Variants in CNTNAP2 observed in about 807,000 individuals in gnomAD.
CNTNAP2 encodes contactin associated protein 2, also known as contactin-associated protein-like 2.
Under a neutral mutation model 155.2 loss-of-function variants are expected in CNTNAP2, and 98 were observed. The observed-to-expected ratio is 0.63, with a 90% CI of 0.54 to 0.75. The LOEUF is 0.75. Among genes scored for constraint, CNTNAP2 ranks in the 30% least tolerant of loss-of-function variants. The pLI, the probability that CNTNAP2 is intolerant of heterozygous loss-of-function variation, is 0.00. For missense variants in CNTNAP2, 1,727 were observed against 1,688.1 expected, an observed-to-expected ratio of 1.02 and a Z score of -0.40; for synonymous variants, 651 against 631.2, an observed-to-expected ratio of 1.03 and a Z score of -0.47.
At chr7:148,176,666 C>A (rs1286712194) in intron 18 of CNTNAP2, among the ~76,000 whole-genome samples, 1 of 152,208 alleles carries the variant, frequency 6.6e-6, no homozygotes, top group Non-Finnish European at 1.5e-5. Context: ...GGAAACCCTA[C>A]AACTAGACCA....
chr7:148,400,921 A>G lies in CNTNAP2; in HGVS notation c.3716-8470A>G, dbSNP rs546246991. Among the ~76,000 whole-genome samples the G allele has an allele frequency of 1.9e-4, 29 of 151,932 alleles. 1 individual carries two copies. The highest frequency in any genetic ancestry group is 8.5e-4 in the Admixed American group (13 of 15,266). On this transcript the variant is annotated intron_variant, in intron 22 of 23. Coordinates refer to ENST00000361727, the MANE Select transcript of CNTNAP2 (RefSeq NM_014141.6). ...CTTGAACCCAGGAAGCAGAGGTTGCAGTGAGCTGAGATTGTGCCACTACAC... is the reference window on the plus strand; with the variant it reads ...CTTGAACCCAGGAAGCAGAGGTTGCGGTGAGCTGAGATTGTGCCACTACAC...
intron 3 of CNTNAP2, among the ~76,000 whole-genome samples, chr7:146,879,280 T>C (rs942416169): frequency 6.6e-6 from 1 of 152,170 alleles, no homozygotes; most frequent in African/African-American, 2.4e-5. Context: ...TCTTTCTACA[T>C]TTAAAACCAT....
chr7:146,538,018 A>G (rs1310802679), intron 1 of CNTNAP2, among the ~76,000 whole-genome samples: 1 of 152,108 alleles, frequency 6.6e-6, no homozygotes, highest in Admixed American at 6.6e-5. Flanking sequence ...CTAGTACTAT[A>G]TTGAAAATAG....
chr7:148,100,461 A>C (rs1804074534), intron 15 of CNTNAP2, among the ~76,000 whole-genome samples: 2 of 152,238 alleles, frequency 1.3e-5, no homozygotes, highest in South Asian at 4.1e-4. Context: ...TATGTGGGGT[A>C]TATACACATA....
intron 2 of CNTNAP2, among the ~76,000 whole-genome samples, chr7:146,813,471 C>T (rs1803107075): frequency 6.6e-6 from 1 of 152,052 alleles, no homozygotes; most frequent in Admixed American, 6.5e-5. Flanking sequence ...GGCCTATAGC[C>T]CCTTTGTTTT....
chr7:146,970,789 A>C (rs909982403), intron 3 of CNTNAP2, among the ~76,000 whole-genome samples: 3 of 152,126 alleles, frequency 2.0e-5, no homozygotes, highest in Middle Eastern at 3.2e-3. Context: ...CTATTCACAA[A>C]ATCAAAGACT....
At chr7:147,275,488 A>T (rs2116714166) in intron 8 of CNTNAP2, among the ~76,000 whole-genome samples, 1 of 151,962 alleles carries the variant, frequency 6.6e-6, no homozygotes, top group Middle Eastern at 3.4e-3. Flanking sequence ...CTCGAATGCT[A>T]TTGGTGTATA....
At chr7:147,755,576 C>T (rs1021109464) in intron 13 of CNTNAP2, among the ~76,000 whole-genome samples, 24 of 152,136 alleles carry the variant, frequency 1.6e-4, no homozygotes, top group African/African-American at 4.8e-4. Context: ...TTGCTGAACC[C>T]GAGAGGTGGA....
chr7:147,792,254 C>T (rs137993252), intron 13 of CNTNAP2, among the ~76,000 whole-genome samples: 371 of 152,304 alleles, frequency 2.4e-3, no homozygotes, highest in African/African-American at 8.3e-3. Context: ...AGTATAGTCA[C>T]GGTGTTGTGC....
chr7:147,191,955 A>G (rs1178347803), intron 8 of CNTNAP2, among the ~76,000 whole-genome samples: 1 of 152,246 alleles, frequency 6.6e-6, no homozygotes, highest in Non-Finnish European at 1.5e-5. Flanking sequence ...GCTGCCAAAA[A>G]TGAGTGCCAA....
In CNTNAP2 at chr7:148,419,252, A is replaced by G. The variant is rs535767696; in HGVS notation, c.*3636A>G. On this transcript the variant is annotated 3_prime_UTR_variant, in exon 24 of 24. Coordinates refer to ENST00000361727, the MANE Select transcript of CNTNAP2 (RefSeq NM_014141.6). Reference sequence around the variant, plus strand: ...ACCACCCTGTTGAGCAATTTTCCCAAAAAAAGGGCAGCAATTATTAAATTG... The same window carrying G: ...ACCACCCTGTTGAGCAATTTTCCCAGAAAAAGGGCAGCAATTATTAAATTG... 1 of 152,200 alleles carries G rather than the reference A, an allele frequency of 6.6e-6. No homozygotes were observed. Among genetic ancestry groups the G allele is most frequent in the South Asian group, 2.1e-4 (1 of 4,816 alleles). The allele number at this position is 152,200 out of a possible 1,614,324, so 9.4% of individuals were successfully genotyped here. A position where few individuals can be genotyped will look rare whatever the true frequency, so the allele number is the denominator to read the frequency against.
intron 1 of CNTNAP2, among the ~76,000 whole-genome samples, chr7:146,403,980 CCGGGCGTAGTGG>C (rs1244112048): frequency 3.3e-5 from 5 of 151,432 alleles, no homozygotes; most frequent in Non-Finnish European, 7.4e-5. Flanking sequence ...AAAAAATTAG[CCGGGCGTAGTGG>C]CGGGCGCCTG....
At chr7:147,158,757 A>G (rs1027855833) in intron 8 of CNTNAP2, among the ~76,000 whole-genome samples, 8 of 152,084 alleles carry the variant, frequency 5.3e-5, no homozygotes, top group African/African-American at 1.9e-4. Flanking sequence ...TATGTGCCAG[A>G]ATGAATTACG....
At chr7:147,125,804 A>G (rs985717950) in intron 6 of CNTNAP2, among the ~76,000 whole-genome samples, 1 of 152,236 alleles carries the variant, frequency 6.6e-6, no homozygotes, top group East Asian at 1.9e-4. Flanking sequence ...AGGAGGCAAC[A>G]GGAAGTAATA....
At chr7:147,745,679 A>T (rs141390845) in intron 13 of CNTNAP2, among the ~76,000 whole-genome samples, 87 of 152,356 alleles carry the variant, frequency 5.7e-4, no homozygotes, top group African/African-American at 2.0e-3. Flanking sequence ...TGAAGTCAGC[A>T]TTACTTGGTA....
chr7:146,189,711 G>A lies in CNTNAP2; in HGVS notation c.97+72738G>A, dbSNP rs1446134736. On this transcript the variant is annotated intron_variant, in intron 1 of 23. Transcript: ENST00000361727. ...GATAGGACCATGGAGGTGACATTTT[G>A]CAGGTGCGACTGAGTGAGGGCCCTT... is the stretch of plus-strand genomic sequence containing the variant. Among the ~76,000 whole-genome samples, 6 of 152,268 alleles carry A rather than the reference G, an allele frequency of 3.9e-5. No individual in the cohort carries two copies. In the South Asian group the frequency reaches 1.2e-3, roughly 32 times the overall value.
chr7:147,148,246 C>A (rs1449062862), intron 8 of CNTNAP2, among the ~76,000 whole-genome samples: 1 of 151,474 alleles, frequency 6.6e-6, no homozygotes, highest in Non-Finnish European at 1.5e-5. Flanking sequence ...AAAAAATAGC[C>A]GGGCGTAGTG....
rs569003248 is a variant in CNTNAP2, at chr7:147,214,876, C to T, written c.1348+82367C>T. ...TAGTTGACTCACAGTTCCACATGGC[C>T]GGGGAGGCCTCAGCATACTTACGGT... On this transcript the variant is annotated intron_variant, in intron 8 of 23. Coordinates refer to ENST00000361727, the MANE Select transcript of CNTNAP2 (RefSeq NM_014141.6). 1.2e-3 allele frequency among the ~76,000 whole-genome samples: 177 copies of T among 152,102 alleles called. 1 individual carries two copies. Among genetic ancestry groups the T allele is most frequent in the African/African-American group, 3.8e-3 (159 of 41,506 alleles).
intron 11 of CNTNAP2, chr7:147,497,079 A>G (rs1436919311): frequency 6.6e-6 from 1 of 152,214 alleles, no homozygotes; most frequent in African/African-American, 2.4e-5. Flanking sequence ...CTTTTGGGGT[A>G]TTCTCTCATC....
Sources: gnomAD v4.1 joint callset for allele counts (sites outside exome capture counted in the v4.1 genomes callset) on GRCh38, gnomAD v4.1.1 for gene constraint, MANE v1.5 for transcripts, NCBI Gene and HGNC (gene_info 2026-07-23, HGNC 2026-07-21) for gene names.